The following FMN2 variants were observed in gnomAD, a reference collection of about 807,000 sequenced individuals.
FMN2 encodes the protein formin 2, also known as formin-2.
A neutral mutation model predicts 142.3 loss-of-function variants in FMN2; 51 were observed. The observed-to-expected ratio is 0.36, with a 90% CI of 0.29 to 0.45. The LOEUF is 0.45. Among genes scored for constraint, FMN2 ranks in the 20% least tolerant of loss-of-function variants. FMN2 has a pLI of 1.00. For missense variants in FMN2, 1,936 were observed against 2,122.8 expected (o/e 0.91, Z 1.73); for synonymous variants, 882 against 869.8 (o/e 1.01, Z -0.25).
chr1:240,323,065 T>G (rs1671029699), intron 8 of FMN2, among the ~76,000 whole-genome samples: 1 of 152,180 alleles, frequency 6.6e-6, no homozygotes, highest in African/African-American at 2.4e-5. Flanking sequence ...TTCTCTCCCC[T>G]TGTTTGCATT....
At chr1:240,461,123 C>CT (rs766551906) in intron 16 of FMN2, among the ~76,000 whole-genome samples, 5 of 152,306 alleles carry the variant, frequency 3.3e-5, no homozygotes, top group Admixed American at 2.6e-4. Flanking sequence ...TGTATTCCCG[C>CT]TTTTTATCCT....
intron 14 of FMN2, among the ~76,000 whole-genome samples, chr1:240,384,126 CAA>C (rs1673326984): frequency 6.6e-6 from 1 of 151,862 alleles, no homozygotes; most frequent in Admixed American, 6.6e-5. Flanking sequence ...AAGATGGAAA[CAA>C]TAGACCTGGA....
chr1:240,349,966 T>TC (rs1210415687), intron 13 of FMN2, among the ~76,000 whole-genome samples: 2 of 151,878 alleles, frequency 1.3e-5, no homozygotes, highest in Admixed American at 1.3e-4. Flanking sequence ...TTTTTTTTTT[T>TC]ATTTACATAG....
intron 6 of FMN2, among the ~76,000 whole-genome samples, chr1:240,227,853 C>G (rs996012848): frequency 2.6e-5 from 4 of 152,076 alleles, no homozygotes; most frequent in African/African-American, 9.7e-5. Flanking sequence ...AATTTTGAAT[C>G]TACAAACAAT....
chr1:240,140,824 G>A, intron 2 of FMN2, among the ~76,000 whole-genome samples: 1 of 152,120 alleles, frequency 6.6e-6, no homozygotes, highest in East Asian at 1.9e-4. Flanking sequence ...CTAATTTGCT[G>A]TTTTATGAGG....
intron 2 of FMN2, among the ~76,000 whole-genome samples, chr1:240,147,726 CT>C (rs1441960343): frequency 9.2e-5 from 14 of 152,158 alleles, no homozygotes; most frequent in Non-Finnish European, 1.5e-4. Context: ...CATACTGTAG[CT>C]CTTATTTATG....
At chr1:240,443,537 A>G (rs10754702) in intron 16 of FMN2, among the ~76,000 whole-genome samples, 33,748 of 151,872 alleles carry the variant, frequency 0.22, 4,680 homozygotes, top group African/African-American at 0.39. Flanking sequence ...GGTGGATCAC[A>G]AGGTCAGGAG....
rs528420629 is a variant in FMN2, at chr1:240,106,682, AT to A, written c.1615+12967del. ...TACTCATCCCCTCCTTTCCAGGAGGATTTTTTTTTCTTTTTTTTTGAGACAG... is the reference window on the plus strand; with the variant it reads ...TACTCATCCCCTCCTTTCCAGGAGGATTTTTTTTCTTTTTTTTTGAGACAG... On this transcript the variant is annotated intron_variant, in intron 1 of 17. Transcript: ENST00000319653. Among the ~76,000 whole-genome samples the A allele has an allele frequency of 9.2e-3, 1,384 of 150,254 alleles. 22 individuals carry two copies. The highest frequency in any genetic ancestry group is 0.029 in the African/African-American group (1,169 of 40,874).
chr1:240,380,539 C>G (rs1456398622), intron 14 of FMN2, among the ~76,000 whole-genome samples: 1 of 151,960 alleles, frequency 6.6e-6, no homozygotes, highest in Non-Finnish European at 1.5e-5. Context: ...GAAAATATTT[C>G]CACTTTTTTC....
At chr1:240,206,720 T>C (rs763225928) in intron 4 of FMN2, 79 bp from the exon 5 acceptor site, 7 of 1,470,270 alleles carry the variant, frequency 4.8e-6, no homozygotes, top group Non-Finnish European at 6.4e-6. Context: ...AACAAACAGA[T>C]ATAATTTTGC....
chr1:240,183,553 A>G (rs538252313), intron 3 of FMN2, among the ~76,000 whole-genome samples: 12 of 150,762 alleles, frequency 8.0e-5, no homozygotes. Flanking sequence ...GTATACATAC[A>G]TGTATATATA....
At chr1:240,177,057 CTT>C (rs926130586) in intron 2 of FMN2, among the ~76,000 whole-genome samples, 66 of 152,286 alleles carry the variant, frequency 4.3e-4, no homozygotes, top group African/African-American at 1.5e-3. Context: ...CTGTTCTTCT[CTT>C]TGCTTTACTT....
chr1:240,262,457 A>G (rs899240382), intron 7 of FMN2, among the ~76,000 whole-genome samples: 6 of 152,222 alleles, frequency 3.9e-5, no homozygotes, highest in Admixed American at 3.9e-4. Context: ...TGTTATTCCC[A>G]TAAATTGATA....
At chr1:240,169,549 G>A (rs978971085) in intron 2 of FMN2, among the ~76,000 whole-genome samples, 3 of 152,102 alleles carry the variant, frequency 2.0e-5, no homozygotes, top group Admixed American at 6.6e-5. Flanking sequence ...CTGCAGCCTC[G>A]ACCTCCCCCC....
At chr1:240,353,132 CT>C (rs1332592281) in intron 13 of FMN2, among the ~76,000 whole-genome samples, 2 of 152,218 alleles carry the variant, frequency 1.3e-5, no homozygotes, top group Non-Finnish European at 2.9e-5. Flanking sequence ...CACACTTCAG[CT>C]CTTTGAAAAC....
At chr1:240,158,389 A>G (rs745411461) in intron 2 of FMN2, among the ~76,000 whole-genome samples, 2 of 152,128 alleles carry the variant, frequency 1.3e-5, no homozygotes, top group Non-Finnish European at 2.9e-5. Flanking sequence ...TGTTCAGAGC[A>G]TTATTGATGT....
intron 3 of FMN2, among the ~76,000 whole-genome samples, chr1:240,180,562 A>AC (rs202058196): frequency 2.8e-4 from 28 of 98,686 alleles, no homozygotes; most frequent in African/African-American, 1.2e-3. Flanking sequence ...ATAACACATG[A>AC]CCCCTTTTTT....
rs1676128032 is a variant in FMN2 at position 240,453,507 on chromosome 1, TATTAAA to T, written c.5060+15302_5060+15307del. On this transcript the variant is annotated intron_variant, in intron 16 of 17. Coordinates refer to ENST00000319653, the MANE Select transcript of FMN2 (RefSeq NM_020066.5). Reference sequence around the variant, plus strand: ...TGCCTAGTTCATCACAGGTGCTGACTATTAAAATTAGTACCAATGGTGTTTTGGAAA... The same window carrying T: ...TGCCTAGTTCATCACAGGTGCTGACTATTAGTACCAATGGTGTTTTGGAAA... Among the ~76,000 whole-genome samples the T allele has an allele frequency of 3.3e-5, 5 of 152,234 alleles. No individual in the cohort carries two copies. The South Asian group carries it at 1.0e-3, about 32-fold the overall frequency.
At chr1:240,158,725 A>G (rs1414289665) in intron 2 of FMN2, among the ~76,000 whole-genome samples, 3 of 152,016 alleles carry the variant, frequency 2.0e-5, no homozygotes, top group African/African-American at 4.8e-5. Flanking sequence ...CTGATTAATA[A>G]TTTTCTTCTG....
Sources: allele counts gnomAD v4.1 joint callset (sites outside exome capture counted in the v4.1 genomes callset), GRCh38; gene constraint gnomAD v4.1.1; transcripts MANE v1.5; gene names NCBI Gene and HGNC (gene_info 2026-07-23, HGNC 2026-07-21).